Variants in LRRC8D observed in about 807,000 individuals in gnomAD.
LRRC8D encodes the protein volume-regulated anion channel subunit LRRC8D.
Under a neutral mutation model 55.8 loss-of-function variants are expected in LRRC8D, and 20 were observed. The observed-to-expected ratio is 0.36, with a 90% CI of 0.25 to 0.52. The LOEUF (loss-of-function observed/expected upper bound fraction) is 0.52. LRRC8D is among the 20% of genes least tolerant of loss of function. The pLI is 0.93. For missense variants in LRRC8D, 651 were observed against 1,030.8 expected (o/e 0.63, Z 5.05); for synonymous variants, 352 against 377.0 (o/e 0.93, Z 0.77).
chr1:89,891,131 C>T (rs1447508197), intron 2 of LRRC8D, among the ~76,000 whole-genome samples: 1 of 152,222 alleles, frequency 6.6e-6, no homozygotes, highest in African/African-American at 2.4e-5. Context: ...CCGCCCGCCT[C>T]AGCCTCCCAA....
Position 89,930,031 on chromosome 1 carries a change from T to A in LRRC8D, c.-2-3036T>A, listed in dbSNP as rs146416554. ...CACCTTGTGAGAATCTAATGCCTGA[T>A]GATCCAACCAAGATGAAACAGTTTC... On this transcript the variant is annotated intron_variant, in intron 2 of 2. Coordinates refer to ENST00000337338, the MANE Select transcript of LRRC8D (RefSeq NM_001134479.2). Among the ~76,000 whole-genome samples, 593 of 152,310 alleles carry A rather than the reference T, an allele frequency of 3.9e-3. 4 individuals are homozygous for A. Among genetic ancestry groups the A allele is most frequent in the Non-Finnish European group, 4.1e-3 (279 of 68,026 alleles).
intron 2 of LRRC8D, among the ~76,000 whole-genome samples, chr1:89,877,456 G>A (rs1662175593): frequency 6.6e-6 from 1 of 152,142 alleles, no homozygotes; most frequent in African/African-American, 2.4e-5. Flanking sequence ...GTGAGTGTTT[G>A]CTGTTCTTAA....
chr1:89,860,942 C>A (rs947443644), intron 2 of LRRC8D, among the ~76,000 whole-genome samples: 3 of 151,414 alleles, frequency 2.0e-5, no homozygotes, highest in Admixed American at 2.0e-4. Context: ...ATCTGATTAT[C>A]TTCTGGGATA....
At chr1:89,892,371 T>C (rs1190303224) in intron 2 of LRRC8D, among the ~76,000 whole-genome samples, 1 of 152,194 alleles carries the variant, frequency 6.6e-6, no homozygotes, top group African/African-American at 2.4e-5. Context: ...CTTTTCAGCA[T>C]TGTGTGATTT....
chr1:89,925,077 A>G (rs886959852), intron 2 of LRRC8D, among the ~76,000 whole-genome samples: 15 of 152,176 alleles, frequency 9.9e-5, no homozygotes, highest in African/African-American at 3.6e-4. Flanking sequence ...TGGGAGAGTG[A>G]GCAAAGCTTC....
chr1:89,824,139 C>A lies in LRRC8D; in HGVS notation c.-148+2848C>A, dbSNP rs1660709837. On this transcript the variant is annotated intron_variant, in intron 1 of 2. Transcript: ENST00000337338. ...ACAGGGATGATACATAAGCATCCTA[C>A]TGTGCACAGGACATCAACCCCCTTC... is the stretch of plus-strand genomic sequence containing the variant. 2.0e-5 allele frequency among the ~76,000 whole-genome samples: 3 copies of A among 152,180 alleles called. No homozygotes were observed. In the South Asian group the frequency reaches 6.2e-4, roughly 32 times the overall value.
intron 1 of LRRC8D, among the ~76,000 whole-genome samples, chr1:89,839,052 T>C (rs1245556351): frequency 6.6e-6 from 1 of 152,162 alleles, no homozygotes; most frequent in Admixed American, 6.5e-5. Flanking sequence ...CAGAATAATA[T>C]ATCCACAGCC....
intron 1 of LRRC8D, among the ~76,000 whole-genome samples, chr1:89,825,573 T>C (rs1489124657): frequency 4.6e-5 from 7 of 152,224 alleles, no homozygotes; most frequent in Non-Finnish European, 1.0e-4. Flanking sequence ...TTTGTTTTCT[T>C]TTTTGCTAAT....
intron 2 of LRRC8D, among the ~76,000 whole-genome samples, chr1:89,867,982 A>G (rs1661895052): frequency 6.6e-6 from 1 of 152,190 alleles, no homozygotes; most frequent in Non-Finnish European, 1.5e-5. Flanking sequence ...TTAGGTTTTA[A>G]GTAGAAATGG....
intron 2 of LRRC8D, among the ~76,000 whole-genome samples, chr1:89,923,879 C>G (rs1663487012): frequency 6.6e-6 from 1 of 152,198 alleles, no homozygotes. Context: ...TAGCCTTATG[C>G]AGAAGATTGA....
chr1:89,882,715 A>T (rs896018386), intron 2 of LRRC8D, among the ~76,000 whole-genome samples: 4 of 152,240 alleles, frequency 2.6e-5, no homozygotes, highest in African/African-American at 9.6e-5. Context: ...GAATTAATGG[A>T]TAAATAACTG....
chr1:89,856,075 G>A (rs1408276886), intron 2 of LRRC8D, among the ~76,000 whole-genome samples: 1 of 151,932 alleles, frequency 6.6e-6, no homozygotes, highest in Non-Finnish European at 1.5e-5. Flanking sequence ...GTGTCTGAAA[G>A]AGCCTATTTT....
intron 2 of LRRC8D, among the ~76,000 whole-genome samples, chr1:89,897,958 T>C (rs1662755782): frequency 6.6e-6 from 1 of 152,104 alleles, no homozygotes; most frequent in African/African-American, 2.4e-5. Flanking sequence ...GGTGTGATAA[T>C]TGGAGGCCAC....
chr1:89,884,908 G>T (rs1166183139), intron 2 of LRRC8D, among the ~76,000 whole-genome samples: 1 of 152,044 alleles, frequency 6.6e-6, no homozygotes, highest in Non-Finnish European at 1.5e-5. Context: ...CTTTTAAGAT[G>T]CTGTGTTTGC....
chr1:89,917,972 G>T (rs1293658998), intron 2 of LRRC8D, among the ~76,000 whole-genome samples: 2 of 152,100 alleles, frequency 1.3e-5, no homozygotes, highest in Non-Finnish European at 2.9e-5. Context: ...GTGTGAGAGA[G>T]GAAATATGTC....
intron 2 of LRRC8D, among the ~76,000 whole-genome samples, chr1:89,872,170 T>C (rs1662024330): frequency 1.3e-5 from 2 of 152,252 alleles, no homozygotes; most frequent in Non-Finnish European, 2.9e-5. Flanking sequence ...ACGTAAATTA[T>C]TCATTGACAG....
intron 2 of LRRC8D, among the ~76,000 whole-genome samples, chr1:89,847,757 A>G (rs1661316573): frequency 6.6e-6 from 1 of 152,232 alleles, no homozygotes. Flanking sequence ...AAAGATTTCA[A>G]CGATCTTAAC....
intron 1 of LRRC8D, among the ~76,000 whole-genome samples, chr1:89,834,310 C>T (rs760011107): frequency 3.9e-5 from 6 of 152,168 alleles, no homozygotes; most frequent in Non-Finnish European, 7.3e-5. Flanking sequence ...GGGTGGGAAA[C>T]GAAAGTTAGC....
intron 2 of LRRC8D, among the ~76,000 whole-genome samples, chr1:89,862,876 C>A (rs1307734730): frequency 6.6e-6 from 1 of 152,146 alleles, no homozygotes; most frequent in Non-Finnish European, 1.5e-5. Context: ...TGGCTTCCAG[C>A]AGGAAGGGTG....
Sources: gnomAD v4.1 joint callset for allele counts (sites outside exome capture counted in the v4.1 genomes callset) on GRCh38, gnomAD v4.1.1 for gene constraint, MANE v1.5 for transcripts, NCBI Gene and HGNC (gene_info 2026-07-23, HGNC 2026-07-21) for gene names.